MYO6: variants seen among roughly 807,000 people sequenced by gnomAD.
MYO6 encodes unconventional myosin-VI.
A neutral mutation model predicts 178.7 loss-of-function variants in MYO6; 74 were observed. The observed-to-expected ratio is 0.41, with a 90% CI of 0.34 to 0.50. The LOEUF (loss-of-function observed/expected upper bound fraction) is 0.50. Ranked by LOEUF, MYO6 falls within the 20% of genes least tolerant of loss-of-function variation. MYO6 has a pLI of 0.09. For synonymous variants in MYO6, 477 were observed against 504.6 expected (o/e 0.95, Z 0.73); for missense variants, 1,330 against 1,547.4 (o/e 0.86, Z 2.36).
chr6:75,834,314 C>T (rs1378337041), intron 6 of MYO6, among the ~76,000 whole-genome samples: 3 of 152,004 alleles, frequency 2.0e-5, no homozygotes, highest in Non-Finnish European at 4.4e-5. Flanking sequence ...CTCACTGCAT[C>T]CTCGACCTCC....
chr6:75,852,453 A>G (rs1450342448), intron 11 of MYO6, among the ~76,000 whole-genome samples: 1 of 152,090 alleles, frequency 6.6e-6, no homozygotes, highest in African/African-American at 2.4e-5. Context: ...CCATAGATTT[A>G]GAACATTTTC....
In MYO6 at chr6:75,862,537, CAT is replaced by C. The variant is rs1428220375; in HGVS notation, c.1547-56_1547-55del. 1.4e-5 allele frequency: 20 copies of C among 1,457,306 alleles called. No homozygotes were observed. In the African/African-American group the frequency reaches 2.0e-4, roughly 14 times the overall value. 90.3% of individuals were successfully genotyped at this position (1,457,306 alleles called of 1,614,324 possible). The stretch of plus-strand genomic sequence containing the variant: ...AAATCTGTGATTAGTGAATTGTTCA[CAT>C]ATCTTTAAAATGTTATGTTTTTACA... On this transcript the variant is annotated intron_variant, in intron 15 of 34. Transcript: ENST00000369977.
At position 75,892,659 on chromosome 6, in the gene MYO6, G is replaced by C. The variant is rs1175999174; in HGVS notation, c.3076G>C (p.Asp1026His). The change falls in exon 28 of 35, where the codon GAT becomes CAT. Residue 1026 changes from aspartate (D) to histidine (H), a missense_variant. Physicochemically the swap from Asp to His is moderately conservative, Grantham distance 81. Coordinates refer to ENST00000369977, the MANE Select transcript of MYO6 (RefSeq NM_004999.4). ...IAQSEAELIS[D>H]EAQADLALRR... ...CCAGAGTGAAGCCGAGCTCATCAGTGATGAGGCCCAGGCCGACCTGGCGCT... is the reference window on the plus strand; with the variant it reads ...CCAGAGTGAAGCCGAGCTCATCAGTCATGAGGCCCAGGCCGACCTGGCGCT... 6.2e-7 allele frequency: 1 copy of C among 1,612,578 alleles called. No individual in the cohort carries two copies. The highest frequency in any genetic ancestry group is 1.3e-5 in the African/African-American group (1 of 74,890).
At position 75,907,643 on chromosome 6, in the gene MYO6, C is replaced by G. The variant is rs201636688; in HGVS notation, c.3215C>G (p.Thr1072Ser). The G allele has an allele frequency of 1.2e-6, 2 of 1,613,660 alleles. No homozygotes were observed. The highest frequency in any genetic ancestry group is 1.3e-5 in the African/African-American group (1 of 74,982). ...AVLATKAAAG[T>S]KKYDLSKWKY... ...CTAGCCACCAAAGCAGCTGCTGGTA[C>G]TAAGAAATATGATCTTAGTAAATGG... is the stretch of plus-strand genomic sequence containing the variant. Residue 1072 changes from threonine to serine, a missense_variant, in exon 31 of 35, where the codon ACT becomes AGT. By Grantham distance (58) the Thr-to-Ser change is moderately conservative. Around this residue, in one of 3 missense-constraint regions of MYO6, gnomAD observed 601 missense variants for 626.1 expected, o/e 0.96. Transcript: ENST00000369977.
At chr6:75,787,327 T>C (rs1767668415) in intron 1 of MYO6, among the ~76,000 whole-genome samples, 1 of 152,056 alleles carries the variant, frequency 6.6e-6, no homozygotes, top group Non-Finnish European at 1.5e-5. Context: ...TTACCCCAAA[T>C]TGGAAACAAT....
At chr6:75,843,938 G>A (rs1468103103) in intron 9 of MYO6, among the ~76,000 whole-genome samples, 1 of 151,540 alleles carries the variant, frequency 6.6e-6, no homozygotes, top group Non-Finnish European at 1.5e-5. Flanking sequence ...ATTTAATTTG[G>A]GAATTCATGC....
chr6:75,809,301 G>A (rs1485275805), intron 1 of MYO6, among the ~76,000 whole-genome samples: 1 of 152,200 alleles, frequency 6.6e-6, no homozygotes, highest in African/African-American at 2.4e-5. Context: ...GGAACAGAGC[G>A]AGTGGATCAG....
chr6:75,872,422 G>A (rs1221166807), intron 19 of MYO6, among the ~76,000 whole-genome samples: 2 of 152,112 alleles, frequency 1.3e-5, no homozygotes, highest in Non-Finnish European at 2.9e-5. Flanking sequence ...GGGACCTACT[G>A]TATGTTTTTG....
intron 19 of MYO6, 71 bp from the exon 20 acceptor site, chr6:75,873,136 C>A: frequency 8.8e-7 from 1 of 1,140,452 alleles, no homozygotes; most frequent in Non-Finnish European, 1.3e-6. Flanking sequence ...TTGAAAGTTG[C>A]AGGTATTCAT....
chr6:75,820,572 T>A (rs1204090137), intron 2 of MYO6, among the ~76,000 whole-genome samples: 4 of 152,272 alleles, frequency 2.6e-5, no homozygotes, highest in Admixed American at 6.5e-5. Context: ...GGTTTCATCA[T>A]GTTGGCCAGG....
intron 22 of MYO6, among the ~76,000 whole-genome samples, chr6:75,880,916 T>C (rs1265357765): frequency 6.6e-6 from 1 of 152,188 alleles, no homozygotes; most frequent in African/African-American, 2.4e-5. Flanking sequence ...TTTATTTGTG[T>C]TGTCTGTCAC....
At chr6:75,764,050 C>CT (rs891628701) in intron 1 of MYO6, among the ~76,000 whole-genome samples, 10 of 152,002 alleles carry the variant, frequency 6.6e-5, no homozygotes, top group African/African-American at 2.4e-4. Context: ...TCATCTATTT[C>CT]TTTTTTTGTT....
Position 75,792,170 on chromosome 6 carries a change from C to T in MYO6, c.-47-25331C>T, listed in dbSNP as rs560542926. On this transcript the variant is annotated intron_variant, in intron 1 of 34. Transcript: ENST00000369977. ...AAACAGTTAAATTCTGATGTTCTGC[C>T]GAAAAATTGGTTCATCAGTCGGTTA... is the stretch of plus-strand genomic sequence containing the variant. 5.3e-5 allele frequency among the ~76,000 whole-genome samples: 8 copies of T among 152,164 alleles called. No homozygotes were observed. The South Asian group carries it at 1.2e-3, about 24-fold the overall frequency.
chr6:75,770,179 T>C lies in MYO6; in HGVS notation c.-48+20756T>C, dbSNP rs75107760. On this transcript the variant is annotated intron_variant, in intron 1 of 34. Coordinates refer to ENST00000369977, the MANE Select transcript of MYO6 (RefSeq NM_004999.4). ...CCCACTCTCCCTTTGCGTTGCACTATGATTGTAAGCTTCATGAGGCCCTTT... is the reference window on the plus strand; with the variant it reads ...CCCACTCTCCCTTTGCGTTGCACTACGATTGTAAGCTTCATGAGGCCCTTT... Among the ~76,000 whole-genome samples, 191 of 152,294 alleles carry C rather than the reference T, an allele frequency of 1.3e-3. 3 individuals are homozygous for C. In the East Asian group the frequency reaches 0.034, roughly 27 times the overall value.
Position 75,917,422 on chromosome 6 carries a change from T to C in MYO6, c.*2410T>C, listed in dbSNP as rs1475834409. The C allele has an allele frequency of 6.6e-6, 1 of 152,618 alleles. No homozygotes were observed. Among genetic ancestry groups the C allele is most frequent in the Non-Finnish European group, 1.5e-5 (1 of 68,036 alleles). 9.5% of individuals were successfully genotyped at this position (152,618 alleles called of 1,614,324 possible). On this transcript the variant is annotated 3_prime_UTR_variant, in exon 35 of 35. Transcript: ENST00000369977. ...GATTCAATTTTAATATAATTCCTAA[T>C]TGTGGTAACACAGTTGAGATATGTA...
chr6:75,806,732 A>G (rs575127059), intron 1 of MYO6, among the ~76,000 whole-genome samples: 32 of 152,256 alleles, frequency 2.1e-4, no homozygotes, highest in Non-Finnish European at 8.8e-5. Flanking sequence ...CCTGCTGCAG[A>G]TAACTAGCCA....
At chr6:75,783,450 C>T (rs913781579) in intron 1 of MYO6, among the ~76,000 whole-genome samples, 2 of 152,058 alleles carry the variant, frequency 1.3e-5, no homozygotes, top group South Asian at 4.1e-4. Flanking sequence ...CCCTTTTTCT[C>T]TTCCGGTATT....
At chr6:75,893,441 T>G (rs115282781) in intron 28 of MYO6, among the ~76,000 whole-genome samples, 132 of 152,290 alleles carry the variant, frequency 8.7e-4, no homozygotes, top group African/African-American at 3.1e-3. Flanking sequence ...GAGAGGCACA[T>G]AGACACATGT....
At chr6:75,837,261 T>C (rs2150236912) in intron 7 of MYO6, among the ~76,000 whole-genome samples, 1 of 152,362 alleles carries the variant, frequency 6.6e-6, no homozygotes, top group Non-Finnish European at 1.5e-5. Flanking sequence ...TAGAAACTAT[T>C]TTATCCCTAC....
Sources: allele counts gnomAD v4.1 joint callset (sites outside exome capture counted in the v4.1 genomes callset), GRCh38; gene constraint gnomAD v4.1.1; regional missense constraint gnomAD v4.1.1; transcripts MANE v1.5; gene names NCBI Gene and HGNC (gene_info 2026-07-23, HGNC 2026-07-21).